Variants in LIPC observed in about 807,000 individuals in gnomAD.
The protein encoded by LIPC is hepatic triacylglycerol lipase.
In LIPC, 44 loss-of-function variants were observed where a neutral mutation model predicts 50.7. The ratio of observed to expected loss-of-function variants is 0.87; its 90% confidence interval spans 0.68 to 1.11. The LOEUF is 1.11. LIPC is among the 50% of genes most tolerant of loss of function. The probability of loss-of-function intolerance (pLI) is 0.00; values close to 1 mark genes in which losing one functional copy is unlikely to be tolerated. For missense variants in LIPC, 697 were observed against 648.2 expected, an observed-to-expected ratio of 1.08 and a Z score of -0.82; for synonymous variants, 271 against 256.4, an observed-to-expected ratio of 1.06 and a Z score of -0.54.
intron 1 of LIPC, among the ~76,000 whole-genome samples, chr15:58,465,144 A>C (rs1199820861): frequency 6.6e-6 from 1 of 152,198 alleles, no homozygotes; most frequent in Non-Finnish European, 1.5e-5. Flanking sequence ...TTATCCCCTC[A>C]GGAACCAGGG....
At position 58,547,940 on chromosome 15, in the gene LIPC, C is replaced by A. The variant is rs1301213885; in HGVS notation, c.809-390C>A. Reference sequence around the variant, plus strand: ...AAAACCCACCCTCCAGGCATCAGCACCTGGGCATTTTAAATTATCTCATTT... The same window carrying A: ...AAAACCCACCCTCCAGGCATCAGCAACTGGGCATTTTAAATTATCTCATTT... On this transcript the variant is annotated intron_variant, in intron 5 of 8. Transcript: ENST00000299022. 2.6e-5 allele frequency among the ~76,000 whole-genome samples: 4 copies of A among 152,092 alleles called. No homozygotes were observed. In the East Asian group the frequency reaches 7.7e-4, roughly 29 times the overall value.
chr15:58,499,025 G>A (rs1163531583), intron 1 of LIPC, among the ~76,000 whole-genome samples: 1 of 152,172 alleles, frequency 6.6e-6, no homozygotes, highest in African/African-American at 2.4e-5. Flanking sequence ...CGCTGAGCAT[G>A]GAAAAGCACG....
intron 1 of LIPC, among the ~76,000 whole-genome samples, chr15:58,525,782 CT>C (rs1450128574): frequency 6.6e-6 from 1 of 152,226 alleles, no homozygotes; most frequent in East Asian, 1.9e-4. Flanking sequence ...GTTATCCTGT[CT>C]GATATTCTGT....
At chr15:58,458,719 A>G (rs1894225046) in intron 1 of LIPC, among the ~76,000 whole-genome samples, 1 of 152,160 alleles carries the variant, frequency 6.6e-6, no homozygotes, top group South Asian at 2.1e-4. Context: ...TGCCAGCAGA[A>G]TCTGGTCACC....
At chr15:58,549,247 C>T (rs1344474433) in intron 6 of LIPC, among the ~76,000 whole-genome samples, 4 of 152,234 alleles carry the variant, frequency 2.6e-5, no homozygotes, top group African/African-American at 9.6e-5. Context: ...AAGCCGACAT[C>T]TGTTGCCATT....
chr15:58,528,105 A>G (rs1266448595), intron 1 of LIPC, among the ~76,000 whole-genome samples: 7 of 147,444 alleles, frequency 4.7e-5, no homozygotes, highest in Non-Finnish European at 1.5e-5. Context: ...ACCCCATTGC[A>G]CTCCAGCCTG....
intron 1 of LIPC, among the ~76,000 whole-genome samples, chr15:58,505,132 G>A (rs1048024797): frequency 1.9e-4 from 29 of 152,354 alleles, no homozygotes; most frequent in Admixed American, 9.1e-4. Flanking sequence ...AGCACTGGGA[G>A]AGGCCAACAG....
chr15:58,507,394 A>G (rs1037343692), intron 1 of LIPC, among the ~76,000 whole-genome samples: 1 of 152,252 alleles, frequency 6.6e-6, no homozygotes, highest in Non-Finnish European at 1.5e-5. Flanking sequence ...GACTTGATTT[A>G]GCTCATTATT....
chr15:58,537,765 TC>T (rs1253551050), intron 1 of LIPC, among the ~76,000 whole-genome samples: 2 of 151,962 alleles, frequency 1.3e-5, no homozygotes, highest in Non-Finnish European at 2.9e-5. Flanking sequence ...CATCCACTAC[TC>T]CCTCTGTGAT....
chr15:58,515,784 G>A (rs1326329880), intron 1 of LIPC, among the ~76,000 whole-genome samples: 1 of 152,142 alleles, frequency 6.6e-6, no homozygotes, highest in African/African-American at 2.4e-5. Context: ...TAGGAGAAAT[G>A]TAGGGGTCAA....
At position 58,547,845 on chromosome 15, in the gene LIPC, A is replaced by G. The variant is rs1014028788; in HGVS notation, c.809-485A>G. ...GCCTCAGCGTTCTCCAGACCATCAG[A>G]GTGCCACGGGATTGTCTCGTGTATC... On this transcript the variant is annotated intron_variant, in intron 5 of 8. Coordinates refer to ENST00000299022, the MANE Select transcript of LIPC (RefSeq NM_000236.3). Among the ~76,000 whole-genome samples, 12 of 152,212 alleles carry G rather than the reference A, an allele frequency of 7.9e-5. No individual in the cohort carries two copies. The South Asian group carries it at 2.3e-3, about 29-fold the overall frequency.
intron 1 of LIPC, among the ~76,000 whole-genome samples, chr15:58,469,317 G>C (rs1427316249): frequency 6.6e-6 from 1 of 152,070 alleles, no homozygotes; most frequent in Non-Finnish European, 1.5e-5. Context: ...ATAGTTTTTT[G>C]AGCATGTTGG....
chr15:58,562,775 C>T lies in LIPC; in HGVS notation c.1170-730C>T, dbSNP rs190375050. Among the ~76,000 whole-genome samples, 159 of 151,418 alleles carry T rather than the reference C, an allele frequency of 1.1e-3. 1 individual carries two copies. The highest frequency in any genetic ancestry group is 3.6e-3 in the African/African-American group (146 of 41,052). On this transcript the variant is annotated intron_variant, in intron 7 of 8. Coordinates refer to ENST00000299022, the MANE Select transcript of LIPC (RefSeq NM_000236.3). ...CCTAAACAATTCTTCACAGCATACT[C>T]GGGAAGAGCTATGCCAAGCCACACA...
At chr15:58,556,398 T>A (rs1171261845) in intron 6 of LIPC, among the ~76,000 whole-genome samples, 1 of 152,214 alleles carries the variant, frequency 6.6e-6, no homozygotes, top group Admixed American at 6.5e-5. Flanking sequence ...TAGTTCTCTT[T>A]TTTTTCCTTT....
intron 1 of LIPC, chr15:58,455,031 G>A (rs1894058523): frequency 6.6e-6 from 1 of 152,196 alleles, no homozygotes; most frequent in Admixed American, 6.5e-5. Flanking sequence ...ACTGTGTGGT[G>A]GAAATACTAT....
chr15:58,455,784 A>G (rs953991264), intron 1 of LIPC, among the ~76,000 whole-genome samples: 1 of 152,234 alleles, frequency 6.6e-6, no homozygotes, highest in East Asian at 1.9e-4. Flanking sequence ...TATAAATTGT[A>G]TAATACCTTG....
chr15:58,463,027 GA>G (rs542548593), intron 1 of LIPC, among the ~76,000 whole-genome samples: 36 of 152,334 alleles, frequency 2.4e-4, no homozygotes, highest in African/African-American at 7.9e-4. Flanking sequence ...CCAAGAAGTC[GA>G]TTCCAATCTC....
intron 1 of LIPC, among the ~76,000 whole-genome samples, chr15:58,502,866 A>T (rs1892032673): frequency 6.6e-6 from 1 of 151,482 alleles, no homozygotes; most frequent in Non-Finnish European, 1.5e-5. Context: ...AAGGATGAAG[A>T]GGACATGGTT....
Position 58,563,497 on chromosome 15 carries a change from T to C in LIPC, c.1170-8T>C, listed in dbSNP as rs748640145. The C allele has an allele frequency of 1.2e-6, 2 of 1,609,878 alleles. No homozygotes were observed. The highest frequency in any genetic ancestry group is 1.7e-5 in the Admixed American group (1 of 60,018). ...CTGATTGTGTCTGATTTTCTTTGTG[T>C]ATTCAAGGGGCAAAGGAATTGCTAG... On this transcript the variant is annotated splice_polypyrimidine_tract_variant and splice_region_variant and intron_variant, in intron 7 of 8. Coordinates refer to ENST00000299022, the MANE Select transcript of LIPC (RefSeq NM_000236.3).
Sources: gnomAD v4.1 joint callset for allele counts (sites outside exome capture counted in the v4.1 genomes callset) on GRCh38, gnomAD v4.1.1 for gene constraint, MANE v1.5 for transcripts, NCBI Gene and HGNC (gene_info 2026-07-23, HGNC 2026-07-21) for gene names.